L3MBTL4: variants seen among roughly 807,000 people sequenced by gnomAD.
The protein encoded by L3MBTL4 is L3MBTL histone methyl-lysine binding protein 4, also known as lethal(3)malignant brain tumor-like protein 4.
In L3MBTL4, 70 loss-of-function variants were observed where a neutral mutation model predicts 84.5. The ratio of observed to expected loss-of-function variants is 0.83; its 90% confidence interval spans 0.68 to 1.01. L3MBTL4 has a LOEUF of 1.01. Ranked by LOEUF, L3MBTL4 falls within the 50% of genes least tolerant of loss-of-function variation. The pLI is 0.00. For missense variants in L3MBTL4, 715 were observed against 754.8 expected, an observed-to-expected ratio of 0.95 and a Z score of 0.62; for synonymous variants, 274 against 259.8, an observed-to-expected ratio of 1.05 and a Z score of -0.52.
chr18:6,241,120 TAA>T (rs2047431797), intron 8 of L3MBTL4, among the ~76,000 whole-genome samples: 1 of 152,196 alleles, frequency 6.6e-6, no homozygotes, highest in African/African-American at 2.4e-5. Context: ...GCTTTAAACA[TAA>T]AGTTTTTAAG....
chr18:6,022,464 G>T (rs895772105), intron 16 of L3MBTL4, among the ~76,000 whole-genome samples: 1 of 152,180 alleles, frequency 6.6e-6, no homozygotes, highest in Non-Finnish European at 1.5e-5. Flanking sequence ...ATCTGATCAT[G>T]TACCTCTGGG....
At chr18:6,230,928 G>A (rs1359803571) in intron 10 of L3MBTL4, among the ~76,000 whole-genome samples, 3 of 152,010 alleles carry the variant, frequency 2.0e-5, no homozygotes, top group East Asian at 3.9e-4. Flanking sequence ...TTTTAATGGG[G>A]TTGTTTGTTT....
At chr18:6,109,003 T>G (rs2059103422) in intron 14 of L3MBTL4, among the ~76,000 whole-genome samples, 1 of 152,168 alleles carries the variant, frequency 6.6e-6, no homozygotes, top group Admixed American at 6.5e-5. Context: ...GGAACCAATG[T>G]CCTATGGGTA....
intron 7 of L3MBTL4, among the ~76,000 whole-genome samples, chr18:6,242,273 G>A (rs907862744): frequency 7.9e-5 from 12 of 152,126 alleles, no homozygotes; most frequent in Admixed American, 5.9e-4. Context: ...CCCTTGGAGG[G>A]CTTACCCAGA....
intron 16 of L3MBTL4, among the ~76,000 whole-genome samples, chr18:6,036,803 T>C (rs1754179978): frequency 6.6e-6 from 1 of 152,222 alleles, no homozygotes; most frequent in African/African-American, 2.4e-5. Context: ...TGTTGTAGGC[T>C]GTCTCTGTGC....
chr18:6,376,352 T>G, intron 1 of L3MBTL4, among the ~76,000 whole-genome samples: 1 of 152,250 alleles, frequency 6.6e-6, no homozygotes, highest in East Asian at 1.9e-4. Flanking sequence ...TCAGTCTGTT[T>G]TAGTTTAATC....
At chr18:5,993,258 T>C (rs998927842) in intron 16 of L3MBTL4, among the ~76,000 whole-genome samples, 5 of 152,204 alleles carry the variant, frequency 3.3e-5, no homozygotes, top group African/African-American at 1.2e-4. Context: ...TGTCTCCAAG[T>C]AACTCTTTCC....
chr18:6,397,057 C>T (rs2055301952), intron 1 of L3MBTL4: 2 of 151,934 alleles, frequency 1.3e-5, no homozygotes. Context: ...GTAGAGAAGC[C>T]AAATATACAC....
chr18:6,078,271 C>A (rs1201823907), intron 16 of L3MBTL4, among the ~76,000 whole-genome samples: 1 of 151,066 alleles, frequency 6.6e-6, no homozygotes, highest in Admixed American at 6.6e-5. Flanking sequence ...TGCTAAACTA[C>A]AAAAAGTTAG....
At chr18:6,205,578 C>A (rs941446908) in intron 12 of L3MBTL4, among the ~76,000 whole-genome samples, 1 of 152,140 alleles carries the variant, frequency 6.6e-6, no homozygotes, top group Admixed American at 6.5e-5. Flanking sequence ...CAACTACATT[C>A]TGGAAATATA....
intron 10 of L3MBTL4, among the ~76,000 whole-genome samples, chr18:6,217,904 C>A (rs183007182): frequency 6.6e-6 from 1 of 152,178 alleles, no homozygotes; most frequent in African/African-American, 2.4e-5. Flanking sequence ...TTGTTCCAGA[C>A]ATATCTATTT....
intron 14 of L3MBTL4, among the ~76,000 whole-genome samples, chr18:6,102,127 G>A (rs1275447500): frequency 6.6e-6 from 1 of 152,100 alleles, no homozygotes; most frequent in Non-Finnish European, 1.5e-5. Flanking sequence ...TAAAATCAGA[G>A]GCTGTAATTG....
intron 16 of L3MBTL4, among the ~76,000 whole-genome samples, chr18:6,015,387 C>T (rs963020386): frequency 2.6e-5 from 4 of 152,028 alleles, no homozygotes; most frequent in Non-Finnish European, 5.9e-5. Context: ...AAGCCATGGT[C>T]AACACTCAGT....
chr18:5,958,062 G>GAGGAGA (rs2095238979), intron 18 of L3MBTL4, among the ~76,000 whole-genome samples: 12 of 93,200 alleles, frequency 1.3e-4, no homozygotes. Context: ...GAAGGAGAAG[G>GAGGAGA]AGAAGAAGAA....
intron 4 of L3MBTL4, among the ~76,000 whole-genome samples, chr18:6,291,625 C>T (rs2049869454): frequency 6.6e-6 from 1 of 152,084 alleles, no homozygotes. Flanking sequence ...ATAAATGGTG[C>T]TGGGGAAACT....
At chr18:6,349,726 GA>G (rs893989770) in intron 1 of L3MBTL4, among the ~76,000 whole-genome samples, 3 of 149,680 alleles carry the variant, frequency 2.0e-5, no homozygotes, top group African/African-American at 7.4e-5. Flanking sequence ...TTTCAAAAAA[GA>G]AAAAAAAAGA....
At chr18:6,210,929 C>T (rs2046078469) in intron 12 of L3MBTL4, among the ~76,000 whole-genome samples, 1 of 152,204 alleles carries the variant, frequency 6.6e-6, no homozygotes, top group African/African-American at 2.4e-5. Flanking sequence ...CAACTAATTA[C>T]AGCAGCAGCT....
chr18:6,307,330 G>T (rs770811628), intron 3 of L3MBTL4, among the ~76,000 whole-genome samples: 1 of 151,528 alleles, frequency 6.6e-6, no homozygotes, highest in Non-Finnish European at 1.5e-5. Flanking sequence ...CCAGCTACTC[G>T]GGAGGCTGAG....
At chr18:6,366,296 A>C (rs866074724) in intron 1 of L3MBTL4, among the ~76,000 whole-genome samples, 4 of 152,238 alleles carry the variant, frequency 2.6e-5, no homozygotes, top group African/African-American at 7.2e-5. Context: ...ACAACATTGC[A>C]ACATGCTGAG....
Sources: gnomAD v4.1 joint callset for allele counts (sites outside exome capture counted in the v4.1 genomes callset) on GRCh38, gnomAD v4.1.1 for gene constraint, MANE v1.5 for transcripts, NCBI Gene and HGNC (gene_info 2026-07-23, HGNC 2026-07-21) for gene names.